The following TRAF1 variants were observed in gnomAD, a reference collection of about 807,000 sequenced individuals.
TRAF1 encodes TNF receptor associated factor 1, also known as TNF receptor-associated factor 1.
A neutral mutation model predicts 40.9 loss-of-function variants in TRAF1; 23 were observed. The observed-to-expected ratio is 0.56, with a 90% CI of 0.40 to 0.80. The LOEUF (loss-of-function observed/expected upper bound fraction) is 0.80. Ranked by LOEUF, TRAF1 falls within the 30% of genes least tolerant of loss-of-function variation. The pLI, the probability that TRAF1 is intolerant of heterozygous loss-of-function variation, is 0.00. For missense variants in TRAF1, 477 were observed against 528.7 expected (o/e 0.90, Z 0.96); for synonymous variants, 206 against 218.8 (o/e 0.94, Z 0.52).
rs1378298221 is a variant in TRAF1 at position 120,905,242 on chromosome 9, C to T, written c.1033-4G>A. On this transcript the variant is annotated splice_region_variant and splice_polypyrimidine_tract_variant and intron_variant, in intron 7 of 7. Transcript: ENST00000373887. ...GGTCCAGCAGCATGAAGGTGACCTG[C>T]AGGGAAGGGATAGGTGGGAGATCAG... The T allele has an allele frequency of 1.2e-6, 2 of 1,603,010 alleles. No homozygotes were observed. The highest frequency in any genetic ancestry group is 1.7e-6 in the Non-Finnish European group (2 of 1,174,658).
intron 7 of TRAF1, among the ~76,000 whole-genome samples, chr9:120,907,851 C>T (rs559091268): frequency 6.6e-6 from 1 of 152,196 alleles, no homozygotes; most frequent in African/African-American, 2.4e-5. Flanking sequence ...CTTTCCTTCC[C>T]TTCCTTTCTT....
chr9:120,918,944 G>A (rs2046586772), intron 3 of TRAF1, among the ~76,000 whole-genome samples: 1 of 152,212 alleles, frequency 6.6e-6, no homozygotes, highest in Non-Finnish European at 1.5e-5. Context: ...CGGGTAGGTG[G>A]AGAAGCCGAA....
At chr9:120,919,346 T>C (rs1375070306) in intron 3 of TRAF1, among the ~76,000 whole-genome samples, 1 of 152,200 alleles carries the variant, frequency 6.6e-6, no homozygotes, top group Non-Finnish European at 1.5e-5. Flanking sequence ...GTGTGTGGTG[T>C]TTCCGGCCAC....
chr9:120,927,781 A>G (rs1281954579), upstream of TRAF1: 1 of 152,272 alleles, frequency 6.6e-6, no homozygotes, highest in Non-Finnish European at 1.5e-5. Context: ...CTCCACCCCC[A>G]TAACAAACGA....
chr9:120,905,231 A>C lies in TRAF1; in HGVS notation c.1040T>G (p.Phe347Cys). The change falls in exon 8 of 8, where the codon TTC becomes TGC. Residue 347 changes from phenylalanine to cysteine, a missense_variant. Physicochemically the swap from Phe to Cys is radical, Grantham distance 205. Coordinates refer to ENST00000373887, the MANE Select transcript of TRAF1 (RefSeq NM_005658.5). Reference sequence around the variant, plus strand: ...ACGGTTGTTCTGGTCCAGCAGCATGAAGGTGACCTGCAGGGAAGGGATAGG... The same window carrying C: ...ACGGTTGTTCTGGTCCAGCAGCATGCAGGTGACCTGCAGGGAAGGGATAGG... ...LPWPFRNKVT[F>C]MLLDQNNREH... 6.2e-7 allele frequency: 1 copy of C among 1,609,456 alleles called. No homozygotes were observed. The highest frequency in any genetic ancestry group is 1.1e-5 in the South Asian group (1 of 90,304).
At chr9:120,920,504 T>C (rs2131631913) in intron 3 of TRAF1, among the ~76,000 whole-genome samples, 1 of 152,210 alleles carries the variant, frequency 6.6e-6, no homozygotes, top group African/African-American at 2.4e-5. Flanking sequence ...GCTTTTGACC[T>C]TCTTGAATGG....
chr9:120,920,614 G>C (rs2046598685), intron 3 of TRAF1, among the ~76,000 whole-genome samples: 1 of 152,190 alleles, frequency 6.6e-6, no homozygotes, highest in Non-Finnish European at 1.5e-5. Context: ...CTCCTTCACT[G>C]TCACTTCTAC....
rs986605743 is a variant in TRAF1, at chr9:120,904,528, C to T, written c.*492G>A. On this transcript the variant is annotated 3_prime_UTR_variant, in exon 8 of 8. Transcript: ENST00000373887. ...GGGTTTGCTTGTTCACCTCCAATGA[C>T]GAGCCTGGACAGACTGCATTCAAAC... is the stretch of plus-strand genomic sequence containing the variant. 46 of 157,162 alleles carry T rather than the reference C, an allele frequency of 2.9e-4. No homozygotes were observed. Among genetic ancestry groups the T allele is most frequent in the African/African-American group, 6.7e-4 (28 of 41,500 alleles). The allele number at this position is 157,162 out of a possible 1,614,324, so 9.7% of individuals were successfully genotyped here.
chr9:120,917,779 T>C (rs1000081746), intron 3 of TRAF1, among the ~76,000 whole-genome samples: 4 of 152,006 alleles, frequency 2.6e-5, no homozygotes, highest in Non-Finnish European at 5.9e-5. Context: ...CTGAGGACAC[T>C]TGGGCCTCCT....
chr9:120,904,743 G>T lies in TRAF1; in HGVS notation c.*277C>A. The T allele has an allele frequency of 2.1e-6, 1 of 468,286 alleles. No individual in the cohort carries two copies. The highest frequency in any genetic ancestry group is 3.8e-5 in the East Asian group (1 of 26,066). 29.0% of individuals were successfully genotyped at this position (468,286 alleles called of 1,614,324 possible). A position where few individuals can be genotyped will look rare whatever the true frequency, so the allele number is the denominator to read the frequency against. ...GTGAGAGTCCACCTCAACATTCGGG[G>T]CCGGAGTGGCTCACTGGCCTCCCAG... On this transcript the variant is annotated 3_prime_UTR_variant, in exon 8 of 8. Transcript: ENST00000373887.
chr9:120,904,852 C>A lies in TRAF1; in HGVS notation c.*168G>T. The A allele has an allele frequency of 1.4e-6, 1 of 694,184 alleles. No individual in the cohort carries two copies. The highest frequency in any genetic ancestry group is 2.4e-6 in the Non-Finnish European group (1 of 420,444). The allele number at this position is 694,184 out of a possible 1,614,324, so 43.0% of individuals were successfully genotyped here. On this transcript the variant is annotated 3_prime_UTR_variant, in exon 8 of 8. Coordinates refer to ENST00000373887, the MANE Select transcript of TRAF1 (RefSeq NM_005658.5). ...CTTTGTGGGCCCAGCCCACGTCCTG[C>A]CATCCTAACCAGATGGCCAGCCCGA...
At chr9:120,917,310 G>A (rs1292877167) in intron 3 of TRAF1, among the ~76,000 whole-genome samples, 1 of 152,128 alleles carries the variant, frequency 6.6e-6, no homozygotes, top group African/African-American at 2.4e-5. Flanking sequence ...TCAGGATGTG[G>A]CCTCTGGAGC....
Position 120,904,832 on chromosome 9 carries a change from T to G in TRAF1, c.*188A>C, listed in dbSNP as rs1414498401. The G allele has an allele frequency of 1.6e-6, 1 of 635,838 alleles. No individual in the cohort carries two copies. The highest frequency in any genetic ancestry group is 2.7e-6 in the Non-Finnish European group (1 of 370,000). 39.4% of individuals were successfully genotyped at this position (635,838 alleles called of 1,614,324 possible). On this transcript the variant is annotated 3_prime_UTR_variant, in exon 8 of 8. Transcript: ENST00000373887. ...TCTCCTTCTGGACCCTTTGCCTTTG[T>G]GGGCCCAGCCCACGTCCTGCCATCC...
chr9:120,907,781 G>C (rs2046493830), intron 7 of TRAF1, among the ~76,000 whole-genome samples: 1 of 152,136 alleles, frequency 6.6e-6, no homozygotes, highest in African/African-American at 2.4e-5. Flanking sequence ...TTTACCCCAC[G>C]ATGTGAAGGA....
intron 3 of TRAF1, among the ~76,000 whole-genome samples, chr9:120,923,351 A>G (rs1156525209): frequency 1.3e-5 from 2 of 152,220 alleles, no homozygotes; most frequent in East Asian, 3.8e-4. Context: ...CTCGAGAATT[A>G]CAGGTCATTA....
At chr9:120,911,861 T>C (rs2046530520) in intron 5 of TRAF1, among the ~76,000 whole-genome samples, 1 of 152,138 alleles carries the variant, frequency 6.6e-6, no homozygotes, top group Admixed American at 6.5e-5. Flanking sequence ...CCCATGCTCA[T>C]TGTGTCTTTG....
chr9:120,911,589 T>C (rs1033720719), intron 5 of TRAF1, 76 bp from the exon 6 acceptor site: 11 of 1,531,464 alleles, frequency 7.2e-6, no homozygotes, highest in South Asian at 2.4e-5. Context: ...GATGTGGAGA[T>C]TGATCTGCCC....
At chr9:120,928,817 G>A (rs1407086888), upstream of TRAF1, 1 of 152,254 alleles carries the variant, frequency 6.6e-6, no homozygotes, top group Non-Finnish European at 1.5e-5. Context: ...GCCCGCCCGA[G>A]GGCGGGGGAG....
At chr9:120,914,162 G>T in intron 4 of TRAF1, 73 bp downstream of exon 4, 1 of 1,276,590 alleles carries the variant, frequency 7.8e-7, no homozygotes, top group South Asian at 2.2e-5. Flanking sequence ...AATCATGGAG[G>T]GGCTGCAGTG....
Sources: allele counts gnomAD v4.1 joint callset (sites outside exome capture counted in the v4.1 genomes callset), GRCh38; gene constraint gnomAD v4.1.1; transcripts MANE v1.5; gene names NCBI Gene and HGNC (gene_info 2026-07-23, HGNC 2026-07-21).